FBLIM1: variants seen among roughly 807,000 people sequenced by gnomAD.
FBLIM1 encodes filamin binding LIM protein 1, also known as filamin-binding LIM protein 1.
A neutral mutation model predicts 37.4 loss-of-function variants in FBLIM1; 29 were observed. The ratio of observed to expected loss-of-function variants is 0.77; its 90% CI spans 0.58 to 1.06. The LOEUF (loss-of-function observed/expected upper bound fraction) is 1.06. Ranked by LOEUF, FBLIM1 falls within the 50% of genes least tolerant of loss-of-function variation. The pLI is 0.00. For synonymous variants in FBLIM1, 193 were observed against 199.0 expected (o/e 0.97, Z 0.25); for missense variants, 449 against 505.6 (o/e 0.89, Z 1.07).
rs1045907155 is a variant in FBLIM1 at position 15,784,997 on chromosome 1, G to T, written c.*336G>T. 5 of 217,040 alleles carry T rather than the reference G, an allele frequency of 2.3e-5. No homozygotes were observed. Among genetic ancestry groups the T allele is most frequent in the African/African-American group, 8.9e-5 (4 of 44,806 alleles). 13.4% of individuals were successfully genotyped at this position (217,040 alleles called of 1,614,324 possible). On this transcript the variant is annotated 3_prime_UTR_variant, in exon 9 of 9. Transcript: ENST00000375766. ...GGGTGCTAGGACCAGCCTCGCCTGT[G>T]GGGTTGAGCTGTTTGAGGACAAACT... is the stretch of plus-strand genomic sequence containing the variant.
chr1:15,784,794 G>C lies in FBLIM1; in HGVS notation c.*133G>C. ...GGAGACCAGCCTGCAAGCCGGCCCA[G>C]CCTGTCCAGGATACAGTGGGGCTGA... is the stretch of plus-strand genomic sequence containing the variant. On this transcript the variant is annotated 3_prime_UTR_variant, in exon 9 of 9. Transcript: ENST00000375766. 1.4e-6 allele frequency: 1 copy of C among 724,260 alleles called. No individual in the cohort carries two copies. 44.9% of individuals were successfully genotyped at this position (724,260 alleles called of 1,614,324 possible).
In FBLIM1 at chr1:15,764,657, G is replaced by A. The variant is rs562044919; in HGVS notation, c.-49G>A. 7 of 310,122 alleles carry A rather than the reference G, an allele frequency of 2.3e-5. No individual in the cohort carries two copies. Among genetic ancestry groups the A allele is most frequent in the Non-Finnish European group, 2.4e-5 (4 of 169,022 alleles). The allele number at this position is 310,122 out of a possible 1,614,324, so 19.2% of individuals were successfully genotyped here. The stretch of plus-strand genomic sequence containing the variant: ...GCTGAAGCATCTGTTCCTTCCTCGC[G>A]GGTGTGAGACAAGGAAGAGTGATCA... On this transcript the variant is annotated 5_prime_UTR_variant, in exon 2 of 9. Coordinates refer to ENST00000375766, the MANE Select transcript of FBLIM1 (RefSeq NM_017556.4).
upstream of FBLIM1, among the ~76,000 whole-genome samples, chr1:15,757,457 A>G (rs1396331232): frequency 6.6e-6 from 1 of 152,174 alleles, no homozygotes; most frequent in Non-Finnish European, 1.5e-5. This position sits in a 1 kb window ranked among gnomAD's most constrained non-coding sequence, Gnocchi z 4.1. Context: ...GCCCCTATCA[A>G]TGGCAGCTCC....
At chr1:15,766,278 G>GTGTGTGTGTGTGTA (rs1557689881) in intron 3 of FBLIM1, among the ~76,000 whole-genome samples, 1 of 151,006 alleles carries the variant, frequency 6.6e-6, no homozygotes, top group East Asian at 1.9e-4. Context: ...CAGCTAATTT[G>GTGTGTGTGTGTGTA]TGTGTGTGTG....
intron 1 of FBLIM1, among the ~76,000 whole-genome samples, chr1:15,760,919 AGGGAAGCC>A (rs970862166): frequency 2.0e-5 from 3 of 152,056 alleles, no homozygotes; most frequent in Non-Finnish European, 4.4e-5. Flanking sequence ...GTGGGACGGG[AGGGAAGCC>A]GGGGCTCCCT....
Position 15,778,690 on chromosome 1 carries a change from G to T in FBLIM1, c.1008+1403G>T, listed in dbSNP as rs191669888. Among the ~76,000 whole-genome samples, 16 of 152,136 alleles carry T rather than the reference G, an allele frequency of 1.1e-4. 3 individuals carry two copies. The highest frequency in any genetic ancestry group is 3.6e-4 in the African/African-American group (15 of 41,520). On this transcript the variant is annotated intron_variant, in intron 8 of 8. Transcript: ENST00000375766. ...GATTTCACTCGCGTTACCCAGGCTG[G>T]AGTGCAATGGCGTGATCTCAGCTCA...
intron 7 of FBLIM1, 22 bp from the exon 8 acceptor site, chr1:15,777,148 G>A (rs1208074471): frequency 1.9e-6 from 3 of 1,579,194 alleles, no homozygotes; most frequent in Non-Finnish European, 2.6e-6. Flanking sequence ...CGCCTCCCAA[G>A]CATGGGTTCC....
At chr1:15,775,842 T>C (rs1162446807) in intron 7 of FBLIM1, among the ~76,000 whole-genome samples, 1 of 152,182 alleles carries the variant, frequency 6.6e-6, no homozygotes, top group East Asian at 1.9e-4. Context: ...CAGAGTCATC[T>C]TGGTCTCTAT....
rs114852640 is a variant in FBLIM1, at chr1:15,775,591, T to C, written c.890+795T>C. ...CGATACAGACAGACACGTGAAGAGA[T>C]GCCTAGGATGAGGTCTAGGGGAAGG... is the stretch of plus-strand genomic sequence containing the variant. On this transcript the variant is annotated intron_variant, in intron 7 of 8. Coordinates refer to ENST00000375766, the MANE Select transcript of FBLIM1 (RefSeq NM_017556.4). Among the ~76,000 whole-genome samples the C allele has an allele frequency of 2.0e-3, 299 of 150,232 alleles. 1 individual carries two copies. Among genetic ancestry groups the C allele is most frequent in the African/African-American group, 7.0e-3 (284 of 40,836 alleles).
chr1:15,783,317 G>A (rs1057266843), intron 8 of FBLIM1, among the ~76,000 whole-genome samples: 1 of 152,084 alleles, frequency 6.6e-6, no homozygotes, highest in Non-Finnish European at 1.5e-5. Flanking sequence ...GTTTGTGCTG[G>A]TGTTGAAGCT....
intron 7 of FBLIM1, among the ~76,000 whole-genome samples, chr1:15,776,689 C>CT (rs1488479046): frequency 6.6e-6 from 1 of 151,032 alleles, no homozygotes; most frequent in African/African-American, 2.4e-5. Flanking sequence ...ATGGTGAAAC[C>CT]CGTCTCTACT....
chr1:15,762,629 T>TC (rs2068728528), intron 1 of FBLIM1, among the ~76,000 whole-genome samples: 1 of 152,198 alleles, frequency 6.6e-6, no homozygotes, highest in Non-Finnish European at 1.5e-5. Context: ...ACTCCTGACC[T>TC]CAAGTGATCG....
In FBLIM1 at chr1:15,780,521, C is replaced by T. The variant is rs183973631; in HGVS notation, c.1008+3234C>T. 1.9e-3 allele frequency among the ~76,000 whole-genome samples: 282 copies of T among 152,274 alleles called. 5 individuals are homozygous for T. Among genetic ancestry groups the T allele is most frequent in the Admixed American group, 0.015 (231 of 15,266 alleles). ...AAATTCTTAATTTTTGAACAAGGGG[C>T]CCCACATTTTTATTTTGTCCTAGAT... On this transcript the variant is annotated intron_variant, in intron 8 of 8. Transcript: ENST00000375766.
At position 15,767,771 on chromosome 1, in the gene FBLIM1, G is replaced by A. The variant is rs559222462; in HGVS notation, c.438+208G>A. Among the ~76,000 whole-genome samples, 286 of 152,232 alleles carry A rather than the reference G, an allele frequency of 1.9e-3. 1 individual carries two copies. The highest frequency in any genetic ancestry group is 3.5e-3 in the Non-Finnish European group (238 of 68,004). On this transcript the variant is annotated intron_variant, in intron 4 of 8. Coordinates refer to ENST00000375766, the MANE Select transcript of FBLIM1 (RefSeq NM_017556.4). The stretch of plus-strand genomic sequence containing the variant: ...AAGTGTTTCAGGGTCCCTGGAGAGG[G>A]ATGCCACTGCCTCGCTGCTGCACCT...
At chr1:15,757,034 C>T (rs533289686), upstream of FBLIM1, among the ~76,000 whole-genome samples, 8 of 152,340 alleles carry the variant, frequency 5.3e-5, no homozygotes, top group South Asian at 2.1e-4. The surrounding 1 kb of genome is among the most constrained non-coding windows in gnomAD (Gnocchi z 4.1). Flanking sequence ...GAGTCCTTCC[C>T]GTCTCTGTCG....
Position 15,785,559 on chromosome 1 carries a change from C to A in FBLIM1, c.*898C>A. On this transcript the variant is annotated 3_prime_UTR_variant, in exon 9 of 9. Coordinates refer to ENST00000375766, the MANE Select transcript of FBLIM1 (RefSeq NM_017556.4). ...CTGAGGCAGGAGCATTGCTTGAACC[C>A]GGGAGGCAGAGGTTGCAGTGAGCTG... 2 of 151,890 alleles carry A rather than the reference C, an allele frequency of 1.3e-5. No individual in the cohort carries two copies. The highest frequency in any genetic ancestry group is 1.5e-5 in the Non-Finnish European group (1 of 67,980). 9.4% of individuals were successfully genotyped at this position (151,890 alleles called of 1,614,324 possible). A position where few individuals can be genotyped will look rare whatever the true frequency, so the allele number is the denominator to read the frequency against.
intron 7 of FBLIM1, among the ~76,000 whole-genome samples, chr1:15,776,718 T>C (rs1569859310): frequency 6.6e-6 from 1 of 151,568 alleles, no homozygotes; most frequent in African/African-American, 2.4e-5. Context: ...AAAAATTAGC[T>C]GGGCGTGGTG....
At chr1:15,780,943 G>C (rs182335811) in intron 8 of FBLIM1, among the ~76,000 whole-genome samples, 2 of 152,100 alleles carry the variant, frequency 1.3e-5, no homozygotes, top group Non-Finnish European at 2.9e-5. Context: ...TCATCCTCAC[G>C]AGTTCCAGCA....
intron 1 of FBLIM1, among the ~76,000 whole-genome samples, chr1:15,761,373 C>A (rs186617003): frequency 5.3e-5 from 8 of 152,242 alleles, no homozygotes; most frequent in South Asian, 2.1e-4. Context: ...CCTCTTGGAA[C>A]CTCACAGGGT....
Sources: allele counts gnomAD v4.1 joint callset (sites outside exome capture counted in the v4.1 genomes callset), GRCh38; gene constraint gnomAD v4.1.1; non-coding constraint Gnocchi (gnomAD v3.1); transcripts MANE v1.5; gene names NCBI Gene and HGNC (gene_info 2026-07-23, HGNC 2026-07-21).